Variants in PIP5K1B observed in about 807,000 individuals in gnomAD.
PIP5K1B encodes phosphatidylinositol-4-phosphate 5-kinase type 1 beta.
In PIP5K1B, 42 loss-of-function variants were observed where a neutral mutation model predicts 67.0. The observed-to-expected ratio is 0.63, with a 90% confidence interval of 0.49 to 0.81. The LOEUF is 0.81. PIP5K1B is among the 30% of genes least tolerant of loss of function. The pLI is 0.00. For synonymous variants in PIP5K1B, 214 were observed against 231.4 expected, an observed-to-expected ratio of 0.92 and a Z score of 0.68; for missense variants, 459 against 646.3, an observed-to-expected ratio of 0.71 and a Z score of 3.14.
At chr9:68,796,174 C>A (rs1332907258) in intron 2 of PIP5K1B, among the ~76,000 whole-genome samples, 1 of 152,106 alleles carries the variant, frequency 6.6e-6, no homozygotes, top group Non-Finnish European at 1.5e-5. Flanking sequence ...GCTTTTATTC[C>A]CCATGTAATA....
At chr9:68,770,886 A>G (rs1341433108) in intron 2 of PIP5K1B, among the ~76,000 whole-genome samples, 1 of 151,924 alleles carries the variant, frequency 6.6e-6, no homozygotes, top group Non-Finnish European at 1.5e-5. Context: ...GAATCTGTGG[A>G]ACATATAGCG....
intron 2 of PIP5K1B, among the ~76,000 whole-genome samples, chr9:68,764,276 C>A (rs750064554): frequency 1.3e-5 from 2 of 151,758 alleles, no homozygotes; most frequent in African/African-American, 2.4e-5. Context: ...CTAAACAGTG[C>A]GTTATTTTTG....
intron 4 of PIP5K1B, among the ~76,000 whole-genome samples, chr9:68,836,242 A>G (rs1834601988): frequency 6.6e-6 from 1 of 152,202 alleles, no homozygotes; most frequent in Admixed American, 6.5e-5. Context: ...TTTATTAATT[A>G]TTCTAATCTT....
At chr9:68,848,765 A>C (rs997068375) in intron 4 of PIP5K1B, among the ~76,000 whole-genome samples, 2 of 152,234 alleles carry the variant, frequency 1.3e-5, no homozygotes, top group African/African-American at 2.4e-5. Context: ...CATGGGGACT[A>C]TTTTACAAAT....
intron 13 of PIP5K1B, among the ~76,000 whole-genome samples, chr9:68,938,959 A>G (rs1326478751): frequency 6.6e-6 from 1 of 152,198 alleles, no homozygotes; most frequent in African/African-American, 2.4e-5. Flanking sequence ...GCTCCCCTGA[A>G]TAATCTTCCC....
intron 14 of PIP5K1B, among the ~76,000 whole-genome samples, chr9:68,964,395 C>T (rs1452644266): frequency 1.3e-5 from 2 of 152,208 alleles, no homozygotes; most frequent in Non-Finnish European, 2.9e-5. Context: ...CCGATCTTAG[C>T]TATCTCAGAA....
chr9:68,996,109 C>A (rs1363396681), intron 15 of PIP5K1B, among the ~76,000 whole-genome samples: 1 of 152,174 alleles, frequency 6.6e-6, no homozygotes, highest in Non-Finnish European at 1.5e-5. Context: ...TACCATTTAC[C>A]TTTGTGTAAA....
At chr9:68,721,883 C>T (rs1311315790) in intron 1 of PIP5K1B, among the ~76,000 whole-genome samples, 1 of 152,104 alleles carries the variant, frequency 6.6e-6, no homozygotes, top group Admixed American at 6.5e-5. Flanking sequence ...ATTTCATTTC[C>T]CTGTAGCGTG....
intron 2 of PIP5K1B, among the ~76,000 whole-genome samples, chr9:68,770,823 G>A (rs749275456): frequency 2.4e-4 from 37 of 152,172 alleles, no homozygotes; most frequent in Admixed American, 4.6e-4. Flanking sequence ...GTTGGGGACC[G>A]CTGCTGTAGT....
chr9:68,876,876 G>A, intron 6 of PIP5K1B, 82 bp downstream of exon 6: 4 of 760,816 alleles, frequency 5.3e-6, no homozygotes, highest in Non-Finnish European at 9.4e-6. Flanking sequence ...CAAGTGGCTT[G>A]TGTCTCTCAT....
In PIP5K1B at chr9:68,925,795, A is replaced by ATTTTTT. The variant is rs71353094; in HGVS notation, c.1201+2424_1201+2429dup. ...ACATGAATACCAGCTTGTGGTTCCA[A>ATTTTTT]TTTTTTTTTTTTTTTTTTTTGAGAC... On this transcript the variant is annotated intron_variant, in intron 12 of 15. Coordinates refer to ENST00000265382, the MANE Select transcript of PIP5K1B (RefSeq NM_003558.4). Among the ~76,000 whole-genome samples, 62 of 73,276 alleles carry ATTTTTT rather than the reference A, an allele frequency of 8.5e-4. 10 individuals carry two copies. Among genetic ancestry groups the ATTTTTT allele is most frequent in the African/African-American group, 2.1e-3 (36 of 17,552 alleles). The allele number at this position is 73,276 out of a possible 152,430, so 48.1% of individuals were successfully genotyped here.
chr9:68,719,281 G>A (rs1057309045), intron 1 of PIP5K1B, among the ~76,000 whole-genome samples: 1 of 152,122 alleles, frequency 6.6e-6, no homozygotes, highest in Admixed American at 6.5e-5. Context: ...CAATTGATGA[G>A]TATTTTGGTA....
chr9:68,799,669 G>A (rs188453116), intron 2 of PIP5K1B, among the ~76,000 whole-genome samples: 1 of 152,292 alleles, frequency 6.6e-6, no homozygotes, highest in East Asian at 1.9e-4. Context: ...AAAGGGTGTT[G>A]GGAAAACTGG....
At chr9:68,948,532 C>A (rs963830080) in intron 14 of PIP5K1B, among the ~76,000 whole-genome samples, 1 of 152,004 alleles carries the variant, frequency 6.6e-6, no homozygotes, top group African/African-American at 2.4e-5. Flanking sequence ...GTAGTCCCAG[C>A]TACTTGGGAG....
chr9:68,795,424 C>G (rs1418531103), intron 2 of PIP5K1B, among the ~76,000 whole-genome samples: 4 of 151,924 alleles, frequency 2.6e-5, no homozygotes, highest in Non-Finnish European at 5.9e-5. Context: ...AAATGGAAAC[C>G]CGAAGAATAT....
In PIP5K1B at chr9:68,882,396, G is replaced by C. The variant is rs534878630; in HGVS notation, c.318+5602G>C. The stretch of plus-strand genomic sequence containing the variant: ...GCTAGTCTATGAATAGCCCCCAAAG[G>C]GTTATTAAAGTGGATCAAAACAATT... On this transcript the variant is annotated intron_variant, in intron 6 of 15. Coordinates refer to ENST00000265382, the MANE Select transcript of PIP5K1B (RefSeq NM_003558.4). Among the ~76,000 whole-genome samples the C allele has an allele frequency of 2.6e-5, 4 of 152,158 alleles. No homozygotes were observed. The South Asian group carries it at 8.3e-4, about 32-fold the overall frequency.
rs1826916412 is a variant in PIP5K1B, at chr9:68,930,094, C to T, written c.1202-4796C>T. The stretch of plus-strand genomic sequence containing the variant: ...CTGGTTGCCTTCCAGCCTCTCTTCT[C>T]CTCCTTGGTATCCTTTGGAAGCTTT... On this transcript the variant is annotated intron_variant, in intron 12 of 15. Transcript: ENST00000265382. Among the ~76,000 whole-genome samples, 4 of 152,344 alleles carry T rather than the reference C, an allele frequency of 2.6e-5. No homozygotes were observed. The South Asian group carries it at 8.3e-4, about 32-fold the overall frequency.
At position 68,994,138 on chromosome 9, in the gene PIP5K1B, T is replaced by G. The variant is rs143130476; in HGVS notation, c.1620+2881T>G. Among the ~76,000 whole-genome samples, 862 of 149,286 alleles carry G rather than the reference T, an allele frequency of 5.8e-3. 7 individuals carry two copies. Among genetic ancestry groups the G allele is most frequent in the African/African-American group, 0.019 (781 of 40,748 alleles). ...TCACTGCAACCTCCACCTCCCAGGT[T>G]CAAGCGATTCTCCTGCCTCAGCCTC... is the stretch of plus-strand genomic sequence containing the variant. On this transcript the variant is annotated intron_variant, in intron 15 of 15. Coordinates refer to ENST00000265382, the MANE Select transcript of PIP5K1B (RefSeq NM_003558.4).
intron 6 of PIP5K1B, among the ~76,000 whole-genome samples, chr9:68,886,538 C>T (rs891045630): frequency 3.3e-5 from 5 of 152,164 alleles, no homozygotes; most frequent in Admixed American, 6.5e-5. Context: ...TCTGCTGCAC[C>T]GAGTTTTACA....
Sources: allele counts gnomAD v4.1 joint callset (sites outside exome capture counted in the v4.1 genomes callset), GRCh38; gene constraint gnomAD v4.1.1; transcripts MANE v1.5; gene names NCBI Gene and HGNC (gene_info 2026-07-23, HGNC 2026-07-21).